The following PDE1C variants were observed in gnomAD, a reference collection of about 807,000 sequenced individuals.
The protein encoded by PDE1C is dual specificity calcium/calmodulin-dependent 3',5'-cyclic nucleotide phosphodiesterase 1C.
In PDE1C, 62 loss-of-function variants were observed where a neutral mutation model predicts 93.1. The ratio of observed to expected loss-of-function variants is 0.67; its 90% CI spans 0.54 to 0.82. PDE1C has a LOEUF of 0.82. PDE1C is among the 40% of genes least tolerant of loss of function. The pLI, the probability that PDE1C is intolerant of heterozygous loss-of-function variation, is 0.00. For missense variants in PDE1C, 742 were observed against 884.6 expected, an observed-to-expected ratio of 0.84 and a Z score of 2.04; for synonymous variants, 325 against 310.1, an observed-to-expected ratio of 1.05 and a Z score of -0.50.
Position 31,789,625 on chromosome 7 carries a change from CAG to C in PDE1C, c.1892-13895_1892-13894del, listed in dbSNP as rs1208679660. On this transcript the variant is annotated intron_variant, in intron 16 of 17. Coordinates refer to ENST00000396191, the MANE Select transcript of PDE1C (RefSeq NM_001191057.4). ...AGAATAATCTTTTTTAGAAAACAAA[CAG>C]AATTCTGTATTACAGAAGTGGGAAA... is the stretch of plus-strand genomic sequence containing the variant. The C allele has an allele frequency of 2.2e-5, 21 of 945,792 alleles. No homozygotes were observed. The East Asian group carries it at 2.3e-3, about 105-fold the overall frequency. 58.6% of individuals were successfully genotyped at this position (945,792 alleles called of 1,614,324 possible).
intron 2 of PDE1C, among the ~76,000 whole-genome samples, chr7:31,883,458 C>T (rs1797492091): frequency 6.6e-6 from 1 of 152,174 alleles, no homozygotes; most frequent in Non-Finnish European, 1.5e-5. Context: ...GACAACTAAA[C>T]ATGAAAATGA....
chr7:32,195,282 C>T (rs1804533984), intron 2 of PDE1C, among the ~76,000 whole-genome samples: 1 of 152,144 alleles, frequency 6.6e-6, no homozygotes, highest in Non-Finnish European at 1.5e-5. Flanking sequence ...GTTTAGAGAA[C>T]TTTCTTTAGA....
intron 1 of PDE1C, among the ~76,000 whole-genome samples, chr7:32,240,539 C>A (rs1417404099): frequency 6.6e-6 from 1 of 152,112 alleles, no homozygotes; most frequent in Non-Finnish European, 1.5e-5. Flanking sequence ...GTGTGGTCAA[C>A]AAAGTCTCTG....
exon 1 of PDE1C, chr7:32,299,247 C>G (rs1249901476): frequency 3.0e-6 from 3 of 987,840 alleles, no homozygotes; most frequent in South Asian, 4.7e-5. Flanking sequence ...GACCGGGGAG[C>G]TTCCAGAAAG....
At chr7:32,045,356 G>A (rs1441342937) in intron 2 of PDE1C, among the ~76,000 whole-genome samples, 1 of 152,082 alleles carries the variant, frequency 6.6e-6, no homozygotes, top group Non-Finnish European at 1.5e-5. Flanking sequence ...AAGGCACCCT[G>A]ATTCAGGTGG....
the PDE1C span, among the ~76,000 whole-genome samples, chr7:31,627,683 AT>A: frequency 1.4e-5 from 2 of 144,864 alleles, no homozygotes; most frequent in South Asian, 2.2e-4. Context: ...AAAAAAAAAA[AT>A]TCAGTAAACA....
intron 1 of PDE1C, among the ~76,000 whole-genome samples, chr7:32,406,977 G>A (rs1785064752): frequency 6.6e-6 from 1 of 152,126 alleles, no homozygotes; most frequent in South Asian, 2.1e-4. Flanking sequence ...GTGACTGGAA[G>A]TTAAAAAACA....
rs5883331 is a variant in PDE1C, at chr7:32,147,272, A to G, written c.308+22513T>C. 2.5e-3 allele frequency among the ~76,000 whole-genome samples: 240 copies of G among 96,570 alleles called. 4 individuals are homozygous for G. Among genetic ancestry groups the G allele is most frequent in the African/African-American group, 6.6e-3 (173 of 26,164 alleles). 63.4% of individuals were successfully genotyped at this position (96,570 alleles called of 152,430 possible). A position where few individuals can be genotyped will look rare whatever the true frequency, so the allele number is the denominator to read the frequency against. On this transcript the variant is annotated intron_variant, in intron 3 of 18. Coordinates refer to the PDE1C transcript ENST00000396193. ...GAAAGAAAAGAAAGAAAGAAAGAAA[A>G]AAAGAAAGAAAGAAAGAAAGAAAGA...
rs76327348 is a variant in PDE1C, at chr7:32,253,143, G to T, written c.86-43604C>A. Among the ~76,000 whole-genome samples, 4 of 152,134 alleles carry T rather than the reference G, an allele frequency of 2.6e-5. No individual in the cohort carries two copies. The East Asian group carries it at 7.7e-4, about 29-fold the overall frequency. The stretch of plus-strand genomic sequence containing the variant: ...AGTGAGAGATCATGTATCTTAGAAA[G>T]AACAATATTTAATACTCGTGACAAC... On this transcript the variant is annotated intron_variant, in intron 1 of 18. Coordinates refer to the PDE1C transcript ENST00000396193.
At chr7:32,059,371 C>T (rs536230518) in intron 1 of PDE1C, among the ~76,000 whole-genome samples, 82 of 152,124 alleles carry the variant, frequency 5.4e-4, no homozygotes, top group Non-Finnish European at 9.4e-4. Flanking sequence ...AGTAGAGAAA[C>T]CTAGGAGAAG....
chr7:32,423,500 A>G (rs955004501), intron 1 of PDE1C, among the ~76,000 whole-genome samples: 6 of 152,210 alleles, frequency 3.9e-5, no homozygotes, highest in Non-Finnish European at 8.8e-5. Flanking sequence ...TGACTGTGAT[A>G]CACACTTTGC....
intron 1 of PDE1C, among the ~76,000 whole-genome samples, chr7:32,385,786 C>G (rs1170959801): frequency 2.6e-5 from 4 of 152,112 alleles, no homozygotes; most frequent in African/African-American, 4.8e-5. Context: ...GTCAGATAAG[C>G]CCCATGCTGG....
At chr7:32,208,887 A>C in intron 2 of PDE1C, among the ~76,000 whole-genome samples, 1 of 152,324 alleles carries the variant, frequency 6.6e-6, no homozygotes, top group African/African-American at 2.4e-5. Flanking sequence ...CCACAGCCCT[A>C]GGAATATCCC....
intron 1 of PDE1C, among the ~76,000 whole-genome samples, chr7:32,361,536 C>T (rs1176069616): frequency 6.6e-6 from 1 of 152,184 alleles, no homozygotes; most frequent in Non-Finnish European, 1.5e-5. Context: ...CGCACACTGC[C>T]CCTGACCCTC....
At chr7:32,170,044 C>A (rs1261011082) in intron 2 of PDE1C, 2 of 1,149,956 alleles carry the variant, frequency 1.7e-6, no homozygotes, top group Non-Finnish European at 2.5e-6. Flanking sequence ...TCTTCCAAAG[C>A]AGAGCAGGGA....
downstream of PDE1C, among the ~76,000 whole-genome samples, chr7:31,747,793 G>A (rs1240495100): frequency 6.6e-6 from 1 of 150,956 alleles, no homozygotes; most frequent in Non-Finnish European, 1.5e-5. Flanking sequence ...GCCCCTGGGT[G>A]TGGTCACAGG....
At chr7:32,224,352 G>A (rs140005403) in intron 1 of PDE1C, among the ~76,000 whole-genome samples, 34 of 151,864 alleles carry the variant, frequency 2.2e-4, no homozygotes, top group African/African-American at 7.5e-4. Flanking sequence ...CAGCCTGGGC[G>A]ACAGTGAGAC....
upstream of PDE1C, among the ~76,000 whole-genome samples, chr7:32,300,801 T>A (rs1231786147): frequency 1.3e-5 from 2 of 152,188 alleles, no homozygotes; most frequent in Admixed American, 6.5e-5. Flanking sequence ...ACATTTTATA[T>A]ATAATATATT....
chr7:31,790,315 C>A, intron 16 of PDE1C: 2 of 1,479,106 alleles, frequency 1.4e-6, no homozygotes, highest in Non-Finnish European at 1.9e-6. Context: ...CCCCCGCCCA[C>A]CTCCACCCTC....
Sources: allele counts gnomAD v4.1 joint callset (sites outside exome capture counted in the v4.1 genomes callset), GRCh38; gene constraint gnomAD v4.1.1; transcripts MANE v1.5; gene names NCBI Gene and HGNC (gene_info 2026-07-23, HGNC 2026-07-21).